MCM10: variants seen among roughly 807,000 people sequenced by gnomAD.
The protein encoded by MCM10 is minichromosome maintenance 10 replication initiation factor, also known as protein MCM10 homolog.
A neutral mutation model predicts 109.9 loss-of-function variants in MCM10; 91 were observed. That is an observed-to-expected ratio of 0.83 (90% CI 0.70 to 0.99). MCM10 has a LOEUF of 0.99. Ranked by LOEUF, MCM10 falls within the 50% of genes least tolerant of loss-of-function variation. The pLI is 0.00. For missense variants in MCM10, 1,077 were observed against 1,061.2 expected, an observed-to-expected ratio of 1.01 and a Z score of -0.21; for synonymous variants, 380 against 387.2, an observed-to-expected ratio of 0.98 and a Z score of 0.22.
chr10:13,166,610 G>C (rs537928928), intron 2 of MCM10, among the ~76,000 whole-genome samples: 1 of 146,768 alleles, frequency 6.8e-6, no homozygotes, highest in South Asian at 2.1e-4. Flanking sequence ...ACTCCAGCCT[G>C]GGCAACAAGA....
At chr10:13,200,840 G>T (rs568122567) in intron 16 of MCM10, among the ~76,000 whole-genome samples, 95 of 152,336 alleles carry the variant, frequency 6.2e-4, no homozygotes, top group African/African-American at 2.2e-3. Context: ...ATTTGTATTT[G>T]GTGCTTTAAA....
In MCM10 at chr10:13,210,751, A is replaced by G. The variant is rs1015274632; in HGVS notation, c.*1441A>G. The G allele has an allele frequency of 6.6e-6, 1 of 152,092 alleles. No homozygotes were observed. Among genetic ancestry groups the G allele is most frequent in the Admixed American group, 6.5e-5 (1 of 15,268 alleles). 9.4% of individuals were successfully genotyped at this position (152,092 alleles called of 1,614,324 possible). ...TTATAGAAGGTTGCTTTTCTTTTTA[A>G]TTTTTTCTAACAAAGAAAAGAATAA... On this transcript the variant is annotated 3_prime_UTR_variant, in exon 20 of 20. Coordinates refer to ENST00000378714, the MANE Select transcript of MCM10 (RefSeq NM_018518.5).
intron 15 of MCM10, among the ~76,000 whole-genome samples, chr10:13,198,412 T>C (rs1333385667): frequency 6.6e-6 from 1 of 152,216 alleles, no homozygotes; most frequent in Non-Finnish European, 1.5e-5. Context: ...TTGTCAACAT[T>C]ATTTACACTG....
At chr10:13,201,573 G>C in intron 17 of MCM10, 39 bp downstream of exon 17, 1 of 1,449,920 alleles carries the variant, frequency 6.9e-7, no homozygotes, top group African/African-American at 1.4e-5. Flanking sequence ...CATGGGCCCT[G>C]TGTGGTGCTT....
intron 18 of MCM10, 84 bp from the exon 19 acceptor site, chr10:13,209,007 C>A: frequency 1.1e-6 from 1 of 927,642 alleles, no homozygotes; most frequent in Non-Finnish European, 1.8e-6. Context: ...GGGGCCTACT[C>A]TCCCCAGGTG....
intron 18 of MCM10, among the ~76,000 whole-genome samples, chr10:13,208,387 T>TA (rs934613639): frequency 1.4e-4 from 21 of 149,250 alleles, no homozygotes; most frequent in South Asian, 6.4e-4. Flanking sequence ...ACCCTGTCTC[T>TA]AAAAAAAAAT....
chr10:13,194,932 A>C (rs577505605), intron 13 of MCM10, 109 bp from the exon 14 acceptor site: 2 of 893,462 alleles, frequency 2.2e-6, no homozygotes, highest in South Asian at 3.5e-5. Context: ...TTTGCTAACA[A>C]CTAGCTCCCA....
chr10:13,188,918 A>G lies in MCM10; in HGVS notation c.1253A>G (p.Gln418Arg), dbSNP rs1176684036. Residue 418 changes from glutamine to arginine, a missense_variant, in exon 10 of 20, where the codon CAG (glutamine) becomes CGG (arginine). Gln to Arg is a conservative substitution (Grantham distance 43). Transcript: ENST00000378714. ...TACTGTCAGTACCATGTCCAGGCTCAGTACAAGAAGCTCAGCGCAAAGCGT... is the reference window on the plus strand; with the variant it reads ...TACTGTCAGTACCATGTCCAGGCTCGGTACAAGAAGCTCAGCGCAAAGCGT... ...CEYCQYHVQA[Q>R]YKKLSAKRAD... 1 of 1,614,224 alleles carries G rather than the reference A, an allele frequency of 6.2e-7. No homozygotes were observed. The highest frequency in any genetic ancestry group is 1.7e-5 in the Admixed American group (1 of 60,018).
At chr10:13,174,982 G>C (rs1443841465) in intron 5 of MCM10, among the ~76,000 whole-genome samples, 1 of 152,112 alleles carries the variant, frequency 6.6e-6, no homozygotes, top group African/African-American at 2.4e-5. Flanking sequence ...TACAAAATTA[G>C]CCGGACGTGG....
chr10:13,181,638 T>C (rs1032843725), intron 7 of MCM10, among the ~76,000 whole-genome samples: 7 of 152,158 alleles, frequency 4.6e-5, no homozygotes, highest in Non-Finnish European at 1.0e-4. Flanking sequence ...CGTTTACCTA[T>C]GTAACAAACC....
intron 2 of MCM10, among the ~76,000 whole-genome samples, chr10:13,169,999 C>T (rs1019454099): frequency 1.3e-5 from 2 of 152,240 alleles, no homozygotes; most frequent in African/African-American, 4.8e-5. Flanking sequence ...AGCCACCACG[C>T]CTGGCTAGAA....
chr10:13,202,513 C>T (rs948738846), intron 17 of MCM10, among the ~76,000 whole-genome samples: 3 of 152,204 alleles, frequency 2.0e-5, no homozygotes, highest in Admixed American at 6.5e-5. Context: ...TTTTCTCTGT[C>T]TTATTCCTTT....
At chr10:13,168,096 C>T (rs1255117104) in intron 2 of MCM10, among the ~76,000 whole-genome samples, 1 of 152,184 alleles carries the variant, frequency 6.6e-6, no homozygotes, top group Non-Finnish European at 1.5e-5. Context: ...GCAGCATTTT[C>T]CACCTGTGGC....
Position 13,198,714 on chromosome 10 carries a change from G to GA in MCM10, c.2152dup (p.Arg718LysfsTer11). The GA allele has an allele frequency of 4.3e-6, 7 of 1,613,190 alleles. No individual in the cohort carries two copies. The highest frequency in any genetic ancestry group is 5.9e-6 in the Non-Finnish European group (7 of 1,179,574). ...CTGAGGATGAATTGGAGCCTGCCAG[G>GA]AAAAAAAGGAGAGAACAACTTGCCT... On this transcript the variant is annotated frameshift_variant, in exon 16 of 20. Transcript: ENST00000378714. LOFTEE classifies it high-confidence loss of function.
At chr10:13,165,340 A>T (rs1422640550) in intron 2 of MCM10, among the ~76,000 whole-genome samples, 1 of 152,242 alleles carries the variant, frequency 6.6e-6, no homozygotes, top group African/African-American at 2.4e-5. Context: ...ATGGAAAATC[A>T]AAACCACAGA....
At chr10:13,171,288 A>T in intron 3 of MCM10, 25 bp downstream of exon 3, 2 of 1,562,126 alleles carry the variant, frequency 1.3e-6, no homozygotes, top group Non-Finnish European at 1.7e-6. Flanking sequence ...TGCCTTCCTT[A>T]TTTCTTTCGG....
In MCM10 at chr10:13,196,379, C is replaced by A. The variant is rs187808785; in HGVS notation, c.1974+1110C>A. On this transcript the variant is annotated intron_variant, in intron 14 of 19. Coordinates refer to ENST00000378714, the MANE Select transcript of MCM10 (RefSeq NM_018518.5). Reference sequence around the variant, plus strand: ...TTAGCAGCTGCAGCCAAATGAAGGGCAAAGCTTGCTGTATGCCAAAACCTT... The same window carrying A: ...TTAGCAGCTGCAGCCAAATGAAGGGAAAAGCTTGCTGTATGCCAAAACCTT... Among the ~76,000 whole-genome samples the A allele has an allele frequency of 4.6e-5, 7 of 152,244 alleles. No individual in the cohort carries two copies. The East Asian group carries it at 1.4e-3, about 29-fold the overall frequency.
intron 9 of MCM10, among the ~76,000 whole-genome samples, chr10:13,188,167 G>A (rs910297018): frequency 6.6e-6 from 1 of 151,926 alleles, no homozygotes; most frequent in Non-Finnish European, 1.5e-5. Flanking sequence ...CATTGTCGCC[G>A]TAACTACTGT....
intron 13 of MCM10, among the ~76,000 whole-genome samples, chr10:13,193,419 C>T (rs1834375140): frequency 6.6e-6 from 1 of 152,102 alleles, no homozygotes; most frequent in Non-Finnish European, 1.5e-5. Context: ...TTCATACGTA[C>T]TCCATAAACA....
Sources: allele counts gnomAD v4.1 joint callset (sites outside exome capture counted in the v4.1 genomes callset), GRCh38; gene constraint gnomAD v4.1.1; transcripts MANE v1.5; gene names NCBI Gene and HGNC (gene_info 2026-07-23, HGNC 2026-07-21).